The following LEF1 variants were observed in gnomAD, a reference collection of about 807,000 sequenced individuals.
LEF1 encodes the protein lymphoid enhancer-binding factor 1.
Under a neutral mutation model 51.2 loss-of-function variants are expected in LEF1, and 14 were observed. The ratio of observed to expected loss-of-function variants is 0.27; its 90% CI spans 0.18 to 0.43. The LOEUF is 0.43. Ranked by LOEUF, LEF1 falls within the 20% of genes least tolerant of loss-of-function variation. LEF1 has a pLI of 1.00. For missense variants in LEF1, 386 were observed against 512.0 expected, an observed-to-expected ratio of 0.75 and a Z score of 2.37; for synonymous variants, 185 against 183.2, an observed-to-expected ratio of 1.01 and a Z score of -0.08.
chr4:108,138,217 AAG>A (rs1159945857), intron 3 of LEF1, among the ~76,000 whole-genome samples: 2 of 152,238 alleles, frequency 1.3e-5, no homozygotes, highest in Non-Finnish European at 2.9e-5. Context: ...AAATAGATGA[AAG>A]AGTACATCTC....
chr4:108,074,208 T>C (rs947039788), intron 8 of LEF1, among the ~76,000 whole-genome samples: 1 of 152,186 alleles, frequency 6.6e-6, no homozygotes, highest in African/African-American at 2.4e-5. Context: ...TGAAACACAA[T>C]TGACTAAAAA....
chr4:108,161,459 C>G (rs1745048455), intron 3 of LEF1, among the ~76,000 whole-genome samples: 1 of 152,212 alleles, frequency 6.6e-6, no homozygotes, highest in Non-Finnish European at 1.5e-5. Flanking sequence ...AACATTTATT[C>G]TGGCCACAAA....
chr4:108,130,480 G>A (rs1742802440), intron 3 of LEF1, among the ~76,000 whole-genome samples: 1 of 151,596 alleles, frequency 6.6e-6, no homozygotes, highest in Non-Finnish European at 1.5e-5. Context: ...AGCACTTTGT[G>A]AGGCTAAGGC....
intron 4 of LEF1, among the ~76,000 whole-genome samples, chr4:108,087,749 T>C (rs116641103): frequency 0.023 from 3,521 of 152,322 alleles, 55 homozygotes; most frequent in Non-Finnish European, 0.038. Flanking sequence ...CCTGCTCGGA[T>C]GCTGGTCTGA....
At chr4:108,110,843 A>C (rs1418005678) in intron 3 of LEF1, among the ~76,000 whole-genome samples, 4 of 152,250 alleles carry the variant, frequency 2.6e-5, no homozygotes, top group African/African-American at 9.6e-5. Context: ...AGCACACTGC[A>C]ATCTTTCCTA....
Position 108,165,263 on chromosome 4 carries a change from G to A in LEF1, c.214-100C>T, listed in dbSNP as rs1482239472. ...TGTGCGCTGGTAATTCAAAGGAAGAGGTTTAGGGGCAACTCTGTTTTATAC... is the reference window on the plus strand; with the variant it reads ...TGTGCGCTGGTAATTCAAAGGAAGAAGTTTAGGGGCAACTCTGTTTTATAC... On this transcript the variant is annotated intron_variant, in intron 1 of 11. Transcript: ENST00000265165. 3.7e-6 allele frequency: 4 copies of A among 1,070,726 alleles called. No individual in the cohort carries two copies. The African/African-American group carries it at 6.2e-5, about 17-fold the overall frequency. The allele number at this position is 1,070,726 out of a possible 1,614,324, so 66.3% of individuals were successfully genotyped here. A position where few individuals can be genotyped will look rare whatever the true frequency, so the allele number is the denominator to read the frequency against.
chr4:108,117,250 TA>T (rs935935337), intron 3 of LEF1, among the ~76,000 whole-genome samples: 4 of 152,086 alleles, frequency 2.6e-5, no homozygotes, highest in Non-Finnish European at 5.9e-5. Flanking sequence ...AAACATTTTT[TA>T]AAAAAAACCC....
In LEF1 at chr4:108,078,277, G is replaced by A. The variant is rs746921341; in HGVS notation, c.951C>T (p.Val317=). 1.7e-5 allele frequency: 27 copies of A among 1,613,992 alleles called. No individual in the cohort carries two copies. The highest frequency in any genetic ancestry group is 4.4e-5 in the South Asian group (4 of 91,074). Residue 317 remains valine, a synonymous_variant, in exon 8 of 12, where the codon GTC becomes GTT. Coordinates refer to ENST00000265165, the MANE Select transcript of LEF1 (RefSeq NM_016269.5). ...MLYMKEMRAN[V]VAECTLKESA... is the part of the protein sequence containing the mutation. ...TTTCTTTTAGAGTACACTCAGCAAC[G>A]ACATTCGCTCTCATTTCTTTCATGT...
chr4:108,078,970 C>T (rs377229349), intron 7 of LEF1, among the ~76,000 whole-genome samples: 330 of 152,324 alleles, frequency 2.2e-3, no homozygotes, highest in Middle Eastern at 6.8e-3. Context: ...ACTAATTACT[C>T]ATCTCTTCAG....
chr4:108,142,902 T>C (rs1268602741), intron 3 of LEF1, among the ~76,000 whole-genome samples: 2 of 152,226 alleles, frequency 1.3e-5, no homozygotes, highest in Non-Finnish European at 1.5e-5. Context: ...CAAAGTCCCC[T>C]TTTCACAAAG....
At chr4:108,113,121 A>G (rs1308913367) in intron 3 of LEF1, among the ~76,000 whole-genome samples, 1 of 152,220 alleles carries the variant, frequency 6.6e-6, no homozygotes, top group Non-Finnish European at 1.5e-5. Context: ...TAATACAATG[A>G]TGGAAACCAT....
At chr4:108,147,788 G>T (rs1171887943) in intron 3 of LEF1, among the ~76,000 whole-genome samples, 3 of 152,144 alleles carry the variant, frequency 2.0e-5, no homozygotes, top group African/African-American at 7.2e-5. Flanking sequence ...TAGGATGCCA[G>T]AAATTTTTTT....
At chr4:108,083,678 T>C (rs1739461777) in intron 4 of LEF1, among the ~76,000 whole-genome samples, 1 of 152,260 alleles carries the variant, frequency 6.6e-6, no homozygotes, top group Non-Finnish European at 1.5e-5. Flanking sequence ...GTAAAGATGC[T>C]GCTAGTAATA....
intron 4 of LEF1, 39 bp from the exon 5 acceptor site, chr4:108,083,485 C>A: frequency 7.4e-7 from 1 of 1,356,608 alleles, no homozygotes; most frequent in South Asian, 1.3e-5. Flanking sequence ...TACAGATTCA[C>A]AGGATATTTA....
chr4:108,164,311 C>T (rs1350175128), intron 2 of LEF1, among the ~76,000 whole-genome samples: 3 of 152,112 alleles, frequency 2.0e-5, no homozygotes, highest in African/African-American at 4.8e-5. Context: ...TGTATTTCTT[C>T]TTGTTAATCT....
intron 11 of LEF1, among the ~76,000 whole-genome samples, chr4:108,053,216 A>G (rs1308637629): frequency 1.3e-5 from 2 of 152,230 alleles, no homozygotes; most frequent in African/African-American, 2.4e-5. Flanking sequence ...AAACAAACGC[A>G]TAAGTTAACT....
intron 3 of LEF1, among the ~76,000 whole-genome samples, chr4:108,103,439 C>T (rs1283490981): frequency 6.6e-6 from 1 of 152,168 alleles, no homozygotes; most frequent in Admixed American, 6.5e-5. Flanking sequence ...AATTTATGTG[C>T]CTATGTTTTT....
rs559578525 is a variant in LEF1, at chr4:108,097,661, T to A, written c.415-8404A>T. On this transcript the variant is annotated intron_variant, in intron 3 of 11. Transcript: ENST00000265165. ...ATTACCTGGACATGATTACTACACCTTGTATGCCTATATCAAAACATCACA... is the reference window on the plus strand; with the variant it reads ...ATTACCTGGACATGATTACTACACCATGTATGCCTATATCAAAACATCACA... Among the ~76,000 whole-genome samples, 436 of 152,314 alleles carry A rather than the reference T, an allele frequency of 2.9e-3. 2 individuals carry two copies. Among genetic ancestry groups the A allele is most frequent in the African/African-American group, 0.01 (416 of 41,570 alleles).
At chr4:108,140,932 A>C (rs969439288) in intron 3 of LEF1, among the ~76,000 whole-genome samples, 2 of 152,242 alleles carry the variant, frequency 1.3e-5, no homozygotes, top group African/African-American at 4.8e-5. Flanking sequence ...TCATTTCCCC[A>C]AAAAGCCTCA....
Sources: allele counts gnomAD v4.1 joint callset (sites outside exome capture counted in the v4.1 genomes callset), GRCh38; gene constraint gnomAD v4.1.1; transcripts MANE v1.5; gene names NCBI Gene and HGNC (gene_info 2026-07-23, HGNC 2026-07-21).